The following MYCBP2 variants were observed in gnomAD, a reference collection of about 807,000 sequenced individuals.
The protein encoded by MYCBP2 is E3 ubiquitin-protein ligase MYCBP2.
Under a neutral mutation model 525.3 loss-of-function variants are expected in MYCBP2, and 120 were observed. The ratio of observed to expected loss-of-function variants is 0.23; its 90% CI spans 0.20 to 0.27. The LOEUF is 0.27. Among genes scored for constraint, MYCBP2 ranks in the 10% least tolerant of loss-of-function variants. The pLI is 1.00. For synonymous variants in MYCBP2, 1,894 were observed against 1,955.8 expected (o/e 0.97, Z 0.83); for missense variants, 4,149 against 5,657.1 (o/e 0.73, Z 8.55).
intron 66 of MYCBP2, 89 bp downstream of exon 66, chr13:77,078,735 T>C: frequency 2.0e-6 from 2 of 1,013,150 alleles, no homozygotes; most frequent in Non-Finnish European, 3.1e-6. Flanking sequence ...ACTTTGGTTG[T>C]GTGCCAAGGG....
chr13:77,214,950 T>C (rs1337959477), intron 21 of MYCBP2, among the ~76,000 whole-genome samples: 3 of 152,104 alleles, frequency 2.0e-5, no homozygotes, highest in Non-Finnish European at 4.4e-5. Flanking sequence ...CATACATATA[T>C]AGGTATATAT....
chr13:77,113,236 CCT>C (rs1267753153), intron 55 of MYCBP2, among the ~76,000 whole-genome samples: 2 of 152,150 alleles, frequency 1.3e-5, no homozygotes, highest in Admixed American at 1.3e-4. Flanking sequence ...GTAGGACCTG[CCT>C]CTTTTTTGAA....
chr13:77,088,790 T>C, intron 61 of MYCBP2, 42 bp downstream of exon 61: 1 of 1,518,254 alleles, frequency 6.6e-7, no homozygotes, highest in Non-Finnish European at 9.1e-7. Context: ...TCACATGATT[T>C]GTATAATCAA....
intron 30 of MYCBP2, among the ~76,000 whole-genome samples, chr13:77,187,665 A>C (rs1291693812): frequency 1.3e-5 from 2 of 152,216 alleles, no homozygotes; most frequent in Non-Finnish European, 2.9e-5. Flanking sequence ...AAAAAAGATG[A>C]AAACTGTAAG....
At chr13:77,288,042 GTTA>G in intron 3 of MYCBP2, 116 bp downstream of exon 3, 1 of 1,010,046 alleles carries the variant, frequency 9.9e-7, no homozygotes, top group Non-Finnish European at 1.5e-6. Context: ...CATAAGCCGT[GTTA>G]TTTTTAGTGT....
In MYCBP2 at chr13:77,159,446, T is replaced by C. The variant is rs576141715; in HGVS notation, c.6598-1337A>G. Among the ~76,000 whole-genome samples the C allele has an allele frequency of 2.4e-4, 37 of 152,258 alleles. No homozygotes were observed. The South Asian group carries it at 7.7e-3, about 32-fold the overall frequency. On this transcript the variant is annotated intron_variant, in intron 44 of 82. Coordinates refer to ENST00000544440, the MANE Select transcript of MYCBP2 (RefSeq NM_015057.5). ...TCCATATCTGGTCTAGATGACACCT[T>C]ATATACCATAATAATCCCTGAAATT...
At position 77,174,352 on chromosome 13, in the gene MYCBP2, T is replaced by C; in HGVS notation, c.5610A>G (p.Thr1870=). The C allele has an allele frequency of 1.9e-6, 3 of 1,614,200 alleles. No homozygotes were observed. The highest frequency in any genetic ancestry group is 2.5e-6 in the Non-Finnish European group (3 of 1,180,020). The stretch of plus-strand genomic sequence containing the variant: ...GTGGGATCTGTCCTCTGGTTTGGTT[T>C]GTGCCGTTACTGCTCAAGCTGCACG... ...FSTCSLSSNG[T]NQTRGQIPQI... is the part of the protein sequence containing the mutation. Residue 1870 remains threonine (T), a synonymous_variant, in exon 37 of 83, where the codon ACA becomes ACG. Transcript: ENST00000544440.
chr13:77,051,028 A>T lies in MYCBP2; in HGVS notation c.13890T>A (p.Ile4630=), dbSNP rs2036695197. 1 of 1,613,184 alleles carries T rather than the reference A, an allele frequency of 6.2e-7. No homozygotes were observed. Among genetic ancestry groups the T allele is most frequent in the Non-Finnish European group, 8.5e-7 (1 of 1,179,748 alleles). ...CHDDFQRMTS[I]PKEELPHCPA... ...GACAGTGTGGTAGTTCTTCCTTAGG[A>T]ATGCTAGTCATTCTTTGAAAATCAT... Residue 4630 remains isoleucine, a synonymous_variant, in exon 82 of 83, where the codon ATT becomes ATA. Transcript: ENST00000544440.
At position 77,278,796 on chromosome 13, in the gene MYCBP2, T is replaced by C. The variant is rs1001497423; in HGVS notation, c.710A>G (p.Gln237Arg). 4.4e-6 allele frequency: 7 copies of C among 1,585,682 alleles called. No homozygotes were observed. The highest frequency in any genetic ancestry group is 1.7e-4 in the Middle Eastern group (1 of 5,982). The change falls in exon 4 of 83, where the codon CAG becomes CGG. Residue 237 changes from glutamine to arginine, a missense_variant. Transcript: ENST00000544440. ...QALLNVLQGQQPEGLQSEPPE... is the reference protein window; with the variant it reads ...QALLNVLQGQRPEGLQSEPPE... ...TGGCTCAGACTGGAGGCCTTCTGGC[T>C]GCTGGCCCTGCAGCACGTTGAGCAG...
rs1432868163 is a variant in MYCBP2 at position 77,062,632 on chromosome 13, C to G, written c.12738G>C (p.Gly4246=). ...GTTGTCCATCCTTTCCCATCCATCT[C>G]CCCGAGGAGAGACGATCTACGTGGT... The part of the protein sequence containing the change: ...DQDHVDRLSS[G]RWMGKDGQQK... The change falls in exon 74 of 83, where the codon GGG becomes GGC. Residue 4246 remains glycine (G), a synonymous_variant. Transcript: ENST00000544440. 6.2e-7 allele frequency: 1 copy of G among 1,614,184 alleles called. No homozygotes were observed. The highest frequency in any genetic ancestry group is 8.5e-7 in the Non-Finnish European group (1 of 1,180,014).
intron 20 of MYCBP2, among the ~76,000 whole-genome samples, chr13:77,220,033 A>T (rs538919693): frequency 6.6e-6 from 1 of 152,266 alleles, no homozygotes; most frequent in Non-Finnish European, 1.5e-5. Flanking sequence ...TTGAATCTGG[A>T]AATTAAGTAT....
intron 60 of MYCBP2, 59 bp from the exon 61 acceptor site, chr13:77,089,090 A>T: frequency 8.5e-7 from 1 of 1,171,838 alleles, no homozygotes; most frequent in Non-Finnish European, 1.2e-6. Context: ...ATTTAAGATA[A>T]TAATATCTAA....
chr13:77,297,204 A>G (rs1399560242), intron 1 of MYCBP2, among the ~76,000 whole-genome samples: 1 of 152,244 alleles, frequency 6.6e-6, no homozygotes, highest in Non-Finnish European at 1.5e-5. Flanking sequence ...AAGCCCCTGA[A>G]TAACTTTTGA....
intron 52 of MYCBP2, among the ~76,000 whole-genome samples, chr13:77,132,090 C>T (rs1054392951): frequency 6.6e-6 from 1 of 152,130 alleles, no homozygotes; most frequent in African/African-American, 2.4e-5. Context: ...TAATCTCATT[C>T]TGTTTACGAA....
intron 57 of MYCBP2, 26 bp downstream of exon 57, chr13:77,096,286 G>C: frequency 6.2e-7 from 1 of 1,609,394 alleles, no homozygotes; most frequent in East Asian, 2.2e-5. Context: ...ATCATTAAAA[G>C]TATAGCTCCA....
chr13:77,054,255 C>A (rs2037406975), intron 80 of MYCBP2, among the ~76,000 whole-genome samples: 1 of 152,110 alleles, frequency 6.6e-6, no homozygotes, highest in Admixed American at 6.5e-5. Context: ...GGTGAGCAGA[C>A]AGGGCTGAGT....
At position 77,096,281 on chromosome 13, in the gene MYCBP2, TA is replaced by T. The variant is rs781080814; in HGVS notation, c.9954+30del. ...TTTTTATACAGTGTATCCATATCAT[TA>T]AAAGTATAGCTCCAAATGGAATAAA... On this transcript the variant is annotated intron_variant, in intron 57 of 82. Coordinates refer to ENST00000544440, the MANE Select transcript of MYCBP2 (RefSeq NM_015057.5). The T allele has an allele frequency of 2.6e-5, 41 of 1,607,088 alleles. No individual in the cohort carries two copies. In the Admixed American group the frequency reaches 6.5e-4, roughly 26 times the overall value.
intron 38 of MYCBP2, among the ~76,000 whole-genome samples, chr13:77,170,107 C>T (rs568625788): frequency 2.6e-5 from 4 of 152,244 alleles, no homozygotes; most frequent in African/African-American, 7.2e-5. Flanking sequence ...TGACATTAGG[C>T]AAATTACTTA....
intron 70 of MYCBP2, among the ~76,000 whole-genome samples, chr13:77,068,258 C>T (rs1566365979): frequency 6.6e-6 from 1 of 151,538 alleles, no homozygotes; most frequent in South Asian, 2.1e-4. Flanking sequence ...CAAGGCAGCA[C>T]GAAAAAAAAT....
Sources: gnomAD v4.1 joint callset for allele counts (sites outside exome capture counted in the v4.1 genomes callset) on GRCh38, gnomAD v4.1.1 for gene constraint, MANE v1.5 for transcripts, NCBI Gene and HGNC (gene_info 2026-07-23, HGNC 2026-07-21) for gene names.